XPO5: variants seen among roughly 807,000 people sequenced by gnomAD.
XPO5 encodes the protein exportin 5.
XPO5 carries 46 observed loss-of-function variants against 160.6 expected under a neutral mutation model. The ratio of observed to expected loss-of-function variants is 0.29; its 90% CI spans 0.23 to 0.37. XPO5 has a LOEUF of 0.37. Among genes scored for constraint, XPO5 ranks in the 10% least tolerant of loss-of-function variants. The pLI is 1.00. For synonymous variants in XPO5, 537 were observed against 519.3 expected (o/e 1.03, Z -0.46); for missense variants, 1,090 against 1,463.9 (o/e 0.74, Z 4.17).
At chr6:43,546,491 A>G in intron 20 of XPO5, 80 bp downstream of exon 20, 1 of 1,364,070 alleles carries the variant, frequency 7.3e-7, no homozygotes, top group Non-Finnish European at 9.8e-7. Flanking sequence ...TAAGATATGA[A>G]GACATGTAAA....
chr6:43,565,457 C>T (rs529018760), intron 8 of XPO5, among the ~76,000 whole-genome samples: 1 of 151,404 alleles, frequency 6.6e-6, no homozygotes, highest in Admixed American at 6.6e-5. Context: ...CCCAGCTACT[C>T]GGGAGGCTGA....
intron 20 of XPO5, among the ~76,000 whole-genome samples, chr6:43,534,764 G>A (rs1035681705): frequency 6.6e-6 from 1 of 152,168 alleles, no homozygotes; most frequent in Non-Finnish European, 1.5e-5. Context: ...TTGGGAGGCC[G>A]AGGCTGGCGA....
At chr6:43,534,862 G>A (rs1271942203) in intron 20 of XPO5, among the ~76,000 whole-genome samples, 1 of 152,018 alleles carries the variant, frequency 6.6e-6, no homozygotes, top group Non-Finnish European at 1.5e-5. Context: ...GATGGGTGTG[G>A]TGGTGCATGC....
chr6:43,556,811 C>A (rs1412475350), intron 12 of XPO5, among the ~76,000 whole-genome samples: 1 of 151,998 alleles, frequency 6.6e-6, no homozygotes, highest in East Asian at 1.9e-4. Flanking sequence ...TGTGGTATAT[C>A]CATACAATGA....
At chr6:43,527,420 C>T (rs1027497636) in intron 26 of XPO5, 19 of 441,558 alleles carry the variant, frequency 4.3e-5, no homozygotes, top group East Asian at 3.7e-4. Context: ...TACAGGCCTG[C>T]GCGCCACTAC....
chr6:43,525,207 C>G lies in XPO5; in HGVS notation c.3074G>C (p.Cys1025Ser), dbSNP rs1462686646. The G allele has an allele frequency of 6.4e-7, 1 of 1,574,742 alleles. No homozygotes were observed. The highest frequency in any genetic ancestry group is 1.9e-5 in the Admixed American group (1 of 53,820). The change falls in exon 29 of 32, where the codon TGT becomes TCT. Residue 1025 changes from cysteine (C) to serine (S), a missense_variant. Physicochemically the swap from Cys to Ser is moderately radical, Grantham distance 112. Coordinates refer to ENST00000265351, the MANE Select transcript of XPO5 (RefSeq NM_020750.3). ...GKCLMKHEDVCTALLITAFNS... is the reference protein window; with the variant it reads ...GKCLMKHEDVSTALLITAFNS... ...GAAGGCTGTAATTAATAGCGCTGTA[C>G]AAACATCCTGAACAGGAAAAGATGA...
chr6:43,532,722 T>C (rs1347784032), intron 21 of XPO5, among the ~76,000 whole-genome samples: 2 of 152,214 alleles, frequency 1.3e-5, no homozygotes, highest in Non-Finnish European at 2.9e-5. Context: ...TGAGACTGGG[T>C]TAGGTCTCCC....
At chr6:43,560,747 C>T (rs1455693028) in intron 10 of XPO5, among the ~76,000 whole-genome samples, 177 bp downstream of exon 10, 3 of 152,142 alleles carry the variant, frequency 2.0e-5, no homozygotes, top group Non-Finnish European at 4.4e-5. Context: ...TAGACAAGTG[C>T]ACTGTTTGGC....
intron 24 of XPO5, among the ~76,000 whole-genome samples, chr6:43,528,530 C>T (rs1263087971): frequency 6.6e-6 from 1 of 152,134 alleles, no homozygotes; most frequent in Non-Finnish European, 1.5e-5. Context: ...GGATAACAGA[C>T]CCAGCATTCC....
chr6:43,539,680 C>A (rs113864553), intron 20 of XPO5: 9 of 917,154 alleles, frequency 9.8e-6, no homozygotes, highest in East Asian at 5.2e-5. Flanking sequence ...CAGGCCCCCC[C>A]ACTGCACCGG....
chr6:43,573,752 T>C (rs2127759016), intron 1 of XPO5, among the ~76,000 whole-genome samples, 151 bp from the exon 2 acceptor site: 1 of 150,912 alleles, frequency 6.6e-6, no homozygotes, highest in East Asian at 1.9e-4. Context: ...ACTACTTGAG[T>C]CTAGGAGTCT....
At chr6:43,566,550 T>C in intron 7 of XPO5, 1 of 305,038 alleles carries the variant, frequency 3.3e-6, no homozygotes, top group Non-Finnish European at 7.1e-6. Flanking sequence ...GGCTCACGCC[T>C]GTAATCCCAG....
intron 8 of XPO5, among the ~76,000 whole-genome samples, chr6:43,564,869 G>A (rs1266962012): frequency 6.6e-6 from 1 of 151,362 alleles, no homozygotes; most frequent in Non-Finnish European, 1.5e-5. Context: ...CTCCCCAGGT[G>A]CTGAGGTTAC....
At chr6:43,565,079 G>C (rs1236646566) in intron 8 of XPO5, among the ~76,000 whole-genome samples, 1 of 151,668 alleles carries the variant, frequency 6.6e-6, no homozygotes, top group East Asian at 2.0e-4. Context: ...TGCGCCACCA[G>C]GTCTGGCTAA....
chr6:43,527,188 C>G (rs997559470), intron 26 of XPO5: 3 of 209,658 alleles, frequency 1.4e-5, no homozygotes, highest in Non-Finnish European at 2.9e-5. Flanking sequence ...ATTCAGCTTG[C>G]AATTCATAAA....
intron 8 of XPO5, 102 bp from the exon 9 acceptor site, chr6:43,562,448 A>G: frequency 1.2e-6 from 1 of 833,464 alleles, no homozygotes; most frequent in Non-Finnish European, 1.9e-6. Context: ...TTAGGTCTGT[A>G]ATTCAGCAGA....
intron 20 of XPO5, among the ~76,000 whole-genome samples, chr6:43,541,488 T>G (rs1165908587): frequency 6.6e-6 from 1 of 152,208 alleles, no homozygotes; most frequent in East Asian, 1.9e-4. Flanking sequence ...ATTTAATACT[T>G]TCAAAGGGTT....
At chr6:43,569,533 A>AGACCAGCCT (rs1762881577) in intron 5 of XPO5, among the ~76,000 whole-genome samples, 1 of 152,016 alleles carries the variant, frequency 6.6e-6, no homozygotes, top group African/African-American at 2.4e-5. Flanking sequence ...CAGGAGTTCA[A>AGACCAGCCT]GACCAGCCTG....
intron 23 of XPO5, among the ~76,000 whole-genome samples, chr6:43,530,484 C>A (rs1021043767): frequency 6.6e-6 from 1 of 152,116 alleles, no homozygotes; most frequent in Non-Finnish European, 1.5e-5. Flanking sequence ...AAATTTACCC[C>A]TAAGGAAAAG....
Sources: allele counts gnomAD v4.1 joint callset (sites outside exome capture counted in the v4.1 genomes callset), GRCh38; gene constraint gnomAD v4.1.1; transcripts MANE v1.5; gene names NCBI Gene and HGNC (gene_info 2026-07-23, HGNC 2026-07-21).